QKI: variants seen among roughly 807,000 people sequenced by gnomAD.
QKI encodes KH domain-containing RNA-binding protein QKI.
In QKI, 10 loss-of-function variants were observed where a neutral mutation model predicts 39.0. The observed-to-expected ratio is 0.26, with a 90% CI of 0.16 to 0.43. The LOEUF is 0.43. Ranked by LOEUF, QKI falls within the 20% of genes least tolerant of loss-of-function variation. The pLI is 1.00. For synonymous variants in QKI, 204 were observed against 155.4 expected, an observed-to-expected ratio of 1.31 and a Z score of -2.33; for missense variants, 218 against 428.0, an observed-to-expected ratio of 0.51 and a Z score of 4.33.
intron 1 of QKI, among the ~76,000 whole-genome samples, chr6:163,441,546 C>T (rs1380438596): frequency 2.6e-5 from 4 of 151,930 alleles, no homozygotes; most frequent in African/African-American, 9.7e-5. Flanking sequence ...TGTCAACAGG[C>T]AATAATCAAT....
chr6:163,571,250 A>G lies in QKI; in HGVS notation c.*540A>G, dbSNP rs1429781951. On this transcript the variant is annotated 3_prime_UTR_variant, in exon 8 of 8. Coordinates refer to ENST00000361752, the MANE Select transcript of QKI (RefSeq NM_006775.3). ...AAATTTGATATGCTGTTTAGTCACT[A>G]CAGTGCCCTCAAAGGGCAGAAGTTG... 2 of 152,242 alleles carry G rather than the reference A, an allele frequency of 1.3e-5. No homozygotes were observed. The highest frequency in any genetic ancestry group is 4.8e-5 in the African/African-American group (2 of 41,466). The allele number at this position is 152,242 out of a possible 1,614,324, so 9.4% of individuals were successfully genotyped here. A position where few individuals can be genotyped will look rare whatever the true frequency, so the allele number is the denominator to read the frequency against.
At chr6:163,442,262 T>C (rs1789816868) in intron 1 of QKI, among the ~76,000 whole-genome samples, 2 of 152,220 alleles carry the variant, frequency 1.3e-5, no homozygotes, top group African/African-American at 4.8e-5. Context: ...GCATTTTTGG[T>C]TAATATATAA....
At chr6:163,428,416 GTTTA>G (rs1019180959) in intron 1 of QKI, among the ~76,000 whole-genome samples, 10 of 152,066 alleles carry the variant, frequency 6.6e-5, no homozygotes, top group African/African-American at 2.4e-4. Flanking sequence ...TCTTTAGGCA[GTTTA>G]TTTCTGTTTA....
At chr6:163,505,031 C>A (rs1217472348) in intron 3 of QKI, among the ~76,000 whole-genome samples, 2 of 152,172 alleles carry the variant, frequency 1.3e-5, no homozygotes, top group African/African-American at 4.8e-5. Flanking sequence ...CCAGCTCTAG[C>A]TGTAGCTTAA....
intron 4 of QKI, among the ~76,000 whole-genome samples, chr6:163,548,763 G>A (rs1293484778): frequency 6.6e-6 from 1 of 152,144 alleles, no homozygotes; most frequent in Non-Finnish European, 1.5e-5. Flanking sequence ...AAGTGAGCCA[G>A]GTTTATTTTC....
chr6:163,538,009 C>A (rs1781303380), intron 4 of QKI, among the ~76,000 whole-genome samples: 1 of 144,976 alleles, frequency 6.9e-6, no homozygotes, highest in Admixed American at 7.2e-5. Flanking sequence ...TTTTGCTATA[C>A]CTAAAGCACA....
At chr6:163,519,720 A>G (rs942467470) in intron 3 of QKI, among the ~76,000 whole-genome samples, 2 of 152,094 alleles carry the variant, frequency 1.3e-5, no homozygotes, top group African/African-American at 4.8e-5. Flanking sequence ...AATGATTACT[A>G]TTAACATTTA....
chr6:163,567,543 G>A lies in QKI; in HGVS notation c.1009+748G>A, dbSNP rs1040315752. 8 of 984,212 alleles carry A rather than the reference G, an allele frequency of 8.1e-6. No homozygotes were observed. The African/African-American group carries it at 1.4e-4, about 17-fold the overall frequency. The allele number at this position is 984,212 out of a possible 1,614,324, so 61.0% of individuals were successfully genotyped here. On this transcript the variant is annotated intron_variant, in intron 7 of 7. Transcript: ENST00000361752. ...TGTGAATATAATTTTTGACTAACCT[G>A]TGACTGGAAAATAAGTCTTCATTTT...
At chr6:163,492,223 T>C (rs1778100609) in intron 3 of QKI, among the ~76,000 whole-genome samples, 1 of 152,204 alleles carries the variant, frequency 6.6e-6, no homozygotes, top group South Asian at 2.1e-4. Context: ...TATTAGGCCG[T>C]TTCATAAGCC....
intron 2 of QKI, among the ~76,000 whole-genome samples, chr6:163,467,038 C>CAA (rs199715703): frequency 0.028 from 2,980 of 105,098 alleles, 106 homozygotes; most frequent in African/African-American, 0.086. Flanking sequence ...AACAAAACAG[C>CAA]AAAAAAAAAA....
At chr6:163,424,885 C>T (rs1041671842) in intron 1 of QKI, among the ~76,000 whole-genome samples, 4 of 152,176 alleles carry the variant, frequency 2.6e-5, no homozygotes, top group Non-Finnish European at 5.9e-5. Flanking sequence ...CCTGCCTCAG[C>T]CTCCCAAAGT....
chr6:163,494,358 A>T (rs1225439480), intron 3 of QKI, among the ~76,000 whole-genome samples: 1 of 152,186 alleles, frequency 6.6e-6, no homozygotes, highest in Non-Finnish European at 1.5e-5. Flanking sequence ...TCCCACAGGG[A>T]TACTAAGGGA....
rs148893277 is a variant in QKI, at chr6:163,536,633, T to C, written c.546+1508T>C. ...AGTCACCTGTAATCTCTTGTCTTGC[T>C]TACCATTTTTATTTCTAGTGTTTAG... is the stretch of plus-strand genomic sequence containing the variant. On this transcript the variant is annotated intron_variant, in intron 4 of 7. Coordinates refer to ENST00000361752, the MANE Select transcript of QKI (RefSeq NM_006775.3). Among the ~76,000 whole-genome samples, 349 of 152,310 alleles carry C rather than the reference T, an allele frequency of 2.3e-3. 1 individual carries two copies. The highest frequency in any genetic ancestry group is 8.2e-3 in the African/African-American group (339 of 41,556).
At chr6:163,509,995 C>T (rs946511209) in intron 3 of QKI, among the ~76,000 whole-genome samples, 9 of 151,872 alleles carry the variant, frequency 5.9e-5, no homozygotes, top group African/African-American at 2.2e-4. Context: ...GGGCCAATTG[C>T]CCTGAGCTCA....
chr6:163,475,040 A>T lies in QKI; in HGVS notation c.286-3740A>T, dbSNP rs187585746. 1.1e-4 allele frequency among the ~76,000 whole-genome samples: 17 copies of T among 152,302 alleles called. No individual in the cohort carries two copies. The East Asian group carries it at 3.1e-3, about 28-fold the overall frequency. Reference sequence around the variant, plus strand: ...AAAATTCTTGCAAGTATTATTTTAGAAATTGATGGACTTATTCTAAAATAT... The same window carrying T: ...AAAATTCTTGCAAGTATTATTTTAGTAATTGATGGACTTATTCTAAAATAT... On this transcript the variant is annotated intron_variant, in intron 2 of 7. Transcript: ENST00000361752.
chr6:163,482,681 G>A (rs1003858362), intron 3 of QKI, among the ~76,000 whole-genome samples: 4 of 152,390 alleles, frequency 2.6e-5, no homozygotes, highest in Admixed American at 2.0e-4. Context: ...ACAGCAGATG[G>A]AAAAGATGCA....
intron 6 of QKI, chr6:163,564,992 TAAAG>T: frequency 7.9e-7 from 1 of 1,262,854 alleles, no homozygotes. Flanking sequence ...GTTGTTCAAG[TAAAG>T]AAAGCCATGA....
chr6:163,488,349 G>A (rs968943685), intron 3 of QKI, among the ~76,000 whole-genome samples: 8 of 152,068 alleles, frequency 5.3e-5, no homozygotes, highest in African/African-American at 1.4e-4. Flanking sequence ...GAGAGAGAGA[G>A]AGAAAGAAAT....
At position 163,575,165 on chromosome 6, in the gene QKI, G is replaced by GTGAAAAT. The variant is rs1562564174; in HGVS notation, c.*4457_*4463dup. Reference sequence around the variant, plus strand: ...GCCATAACAGTTCATGTAGTAGTCTGTGAAAATTCGAAGCTGTCTGTCAAG... The same window carrying GTGAAAAT: ...GCCATAACAGTTCATGTAGTAGTCTGTGAAAATTGAAAATTCGAAGCTGTCTGTCAAG... On this transcript the variant is annotated 3_prime_UTR_variant, in exon 8 of 8. Transcript: ENST00000361752. The GTGAAAAT allele has an allele frequency of 4.6e-5, 7 of 152,280 alleles. No individual in the cohort carries two copies. The South Asian group carries it at 1.2e-3, about 27-fold the overall frequency. The allele number at this position is 152,280 out of a possible 1,614,324, so 9.4% of individuals were successfully genotyped here.
Sources: gnomAD v4.1 joint callset for allele counts (sites outside exome capture counted in the v4.1 genomes callset) on GRCh38, gnomAD v4.1.1 for gene constraint, MANE v1.5 for transcripts, NCBI Gene and HGNC (gene_info 2026-07-23, HGNC 2026-07-21) for gene names.